LAMA2: variants seen among roughly 807,000 people sequenced by gnomAD.
LAMA2 encodes the protein laminin subunit alpha-2.
A neutral mutation model predicts 364.8 loss-of-function variants in LAMA2; 269 were observed. The ratio of observed to expected loss-of-function variants is 0.74; its 90% CI spans 0.67 to 0.82. The LOEUF is 0.82. LAMA2 is among the 40% of genes least tolerant of loss of function. The pLI is 0.00. For synonymous variants in LAMA2, 1,379 were observed against 1,370.6 expected (o/e 1.01, Z -0.14); for missense variants, 3,807 against 3,873.2 (o/e 0.98, Z 0.45).
rs1583386108 is a variant in LAMA2 at position 129,270,848 on chromosome 6, A to G, written c.2450+97A>G. The G allele has an allele frequency of 2.9e-5, 38 of 1,294,442 alleles. No individual in the cohort carries two copies. The East Asian group carries it at 8.7e-4, about 30-fold the overall frequency. 80.2% of individuals were successfully genotyped at this position (1,294,442 alleles called of 1,614,324 possible). A position where few individuals can be genotyped will look rare whatever the true frequency, so the allele number is the denominator to read the frequency against. On this transcript the variant is annotated intron_variant, in intron 17 of 64. Transcript: ENST00000421865. ...ACACTTCCTTTTATCCCATGTAAAT[A>G]AATAATAAACACAGACATGAATTTT...
At chr6:129,392,866 A>C (rs1193963073) in intron 36 of LAMA2, among the ~76,000 whole-genome samples, 179 bp from the exon 37 acceptor site, 3 of 152,210 alleles carry the variant, frequency 2.0e-5, no homozygotes, top group African/African-American at 7.2e-5. Flanking sequence ...AATTAATTAT[A>C]AATGGTCTCA....
intron 21 of LAMA2, among the ~76,000 whole-genome samples, chr6:129,300,084 G>T (rs1019727191): frequency 6.6e-6 from 1 of 152,106 alleles, no homozygotes; most frequent in African/African-American, 2.4e-5. Flanking sequence ...AGTACAAAAG[G>T]TAGATAACTT....
intron 1 of LAMA2, among the ~76,000 whole-genome samples, chr6:128,972,078 G>A (rs1259619158): frequency 6.6e-6 from 1 of 152,198 alleles, no homozygotes; most frequent in Non-Finnish European, 1.5e-5. Flanking sequence ...AGAATGTTAG[G>A]TGTGAGAGGG....
At position 129,505,180 on chromosome 6, in the gene LAMA2, G is replaced by A; in HGVS notation, c.8548-20G>A. Reference sequence around the variant, plus strand: ...AAATTTGTTCAGGATTGGCATTAATGACTCCTTTCTTTTTTGTAGATTAAG... The same window carrying A: ...AAATTTGTTCAGGATTGGCATTAATAACTCCTTTCTTTTTTGTAGATTAAG... On this transcript the variant is annotated intron_variant, in intron 60 of 64. Transcript: ENST00000421865. The A allele has an allele frequency of 6.2e-7, 1 of 1,609,460 alleles. No individual in the cohort carries two copies. The highest frequency in any genetic ancestry group is 2.2e-5 in the East Asian group (1 of 44,816).
chr6:128,948,945 C>T (rs1313813038), intron 1 of LAMA2, among the ~76,000 whole-genome samples: 2 of 152,116 alleles, frequency 1.3e-5, no homozygotes, highest in Admixed American at 1.3e-4. Context: ...ATAAATTACC[C>T]AGCCTCAGAT....
intron 3 of LAMA2, among the ~76,000 whole-genome samples, chr6:129,096,719 C>A (rs1775210826): frequency 6.6e-6 from 1 of 152,110 alleles, no homozygotes; most frequent in African/African-American, 2.4e-5. Flanking sequence ...TCAACAAGTA[C>A]AGAAGCATTT....
chr6:129,500,368 T>C (rs1246895814), intron 58 of LAMA2, among the ~76,000 whole-genome samples: 1 of 152,240 alleles, frequency 6.6e-6, no homozygotes, highest in Non-Finnish European at 1.5e-5. Flanking sequence ...AACAAAGGAC[T>C]ATACACCATA....
intron 1 of LAMA2, among the ~76,000 whole-genome samples, chr6:129,034,879 A>G (rs908069189): frequency 1.3e-5 from 2 of 152,106 alleles, no homozygotes; most frequent in African/African-American, 4.8e-5. Flanking sequence ...CAACCAACAC[A>G]TAGATTGTTG....
chr6:129,481,181 AT>A, intron 54 of LAMA2, 81 bp from the exon 55 acceptor site: 1 of 1,050,140 alleles, frequency 9.5e-7, no homozygotes, highest in Non-Finnish European at 1.5e-6. Flanking sequence ...CATTAATTGC[AT>A]CGAGGAGGGT....
At chr6:129,219,649 A>G (rs1339468995) in intron 12 of LAMA2, among the ~76,000 whole-genome samples, 6 of 146,150 alleles carry the variant, frequency 4.1e-5, no homozygotes, top group African/African-American at 1.3e-4. Flanking sequence ...ATGCAGCCAT[A>G]AAAAATGATG....
intron 1 of LAMA2, among the ~76,000 whole-genome samples, chr6:129,024,649 G>C (rs1218942870): frequency 6.6e-6 from 1 of 151,978 alleles, no homozygotes; most frequent in Non-Finnish European, 1.5e-5. Context: ...TCCCACCTTG[G>C]CCTCCCAAAG....
intron 2 of LAMA2, 58 bp downstream of exon 2, chr6:129,050,146 T>C: frequency 1.3e-6 from 2 of 1,545,136 alleles, no homozygotes; most frequent in Non-Finnish European, 1.8e-6. Context: ...TTGTGAGATG[T>C]TGAGGCCAAG....
At chr6:129,455,139 G>T (rs1782887246) in intron 47 of LAMA2, among the ~76,000 whole-genome samples, 1 of 152,098 alleles carries the variant, frequency 6.6e-6, no homozygotes, top group Non-Finnish European at 1.5e-5. Context: ...GGCTGAGGCA[G>T]GAGGATCACT....
chr6:129,032,500 C>T (rs1405852859), intron 1 of LAMA2, among the ~76,000 whole-genome samples: 2 of 152,130 alleles, frequency 1.3e-5, no homozygotes, highest in African/African-American at 4.8e-5. Context: ...GAGCTTTATT[C>T]TAGAATCGGA....
chr6:129,350,329 A>T (rs1465992417), intron 31 of LAMA2, among the ~76,000 whole-genome samples: 1 of 152,228 alleles, frequency 6.6e-6, no homozygotes, highest in African/African-American at 2.4e-5. Flanking sequence ...GGAATCATTG[A>T]TAGGCCACCT....
chr6:128,996,086 G>A (rs764743213), intron 1 of LAMA2, among the ~76,000 whole-genome samples: 3 of 152,144 alleles, frequency 2.0e-5, no homozygotes, highest in Non-Finnish European at 2.9e-5. Context: ...CAATATAATT[G>A]TATATGCGGT....
chr6:129,270,830 C>G (rs1787881980), intron 17 of LAMA2, 79 bp downstream of exon 17: 5 of 1,391,694 alleles, frequency 3.6e-6, no homozygotes, highest in Middle Eastern at 1.8e-4. Flanking sequence ...TATACACTTC[C>G]TTTTATCCCA....
At chr6:129,404,890 C>A (rs1780165793) in intron 40 of LAMA2, among the ~76,000 whole-genome samples, 1 of 151,928 alleles carries the variant, frequency 6.6e-6, no homozygotes, top group African/African-American at 2.4e-5. Flanking sequence ...CTAAATGAAC[C>A]AGTCTTAGCA....
intron 17 of LAMA2, among the ~76,000 whole-genome samples, chr6:129,274,295 CT>C (rs1331330472): frequency 6.6e-6 from 1 of 151,696 alleles, no homozygotes; most frequent in Admixed American, 6.6e-5. Context: ...GGAAACTATC[CT>C]TTTTAAAAAT....
Sources: allele counts gnomAD v4.1 joint callset (sites outside exome capture counted in the v4.1 genomes callset), GRCh38; gene constraint gnomAD v4.1.1; transcripts MANE v1.5; gene names NCBI Gene and HGNC (gene_info 2026-07-23, HGNC 2026-07-21).